Variants in MRPL22 observed in about 807,000 individuals in gnomAD.
MRPL22 encodes large ribosomal subunit protein uL22m.
MRPL22 carries 27 observed loss-of-function variants against 32.4 expected under a neutral mutation model. The ratio of observed to expected loss-of-function variants is 0.83; its 90% CI spans 0.61 to 1.15. The LOEUF (loss-of-function observed/expected upper bound fraction) is 1.15. Among genes scored for constraint, MRPL22 ranks in the 50% most tolerant of loss-of-function variants. MRPL22 has a pLI of 0.00. For missense variants in MRPL22, 239 were observed against 260.2 expected (o/e 0.92, Z 0.56); for synonymous variants, 86 against 87.3 (o/e 0.99, Z 0.08).
intron 2 of MRPL22, among the ~76,000 whole-genome samples, chr5:154,946,535 C>T (rs1764493342): frequency 6.6e-6 from 1 of 152,032 alleles, no homozygotes; most frequent in African/African-American, 2.4e-5. Context: ...AAAAGAAACA[C>T]GGGTGTGGTG....
chr5:154,949,874 T>C (rs950089381), intron 2 of MRPL22, among the ~76,000 whole-genome samples: 3 of 152,196 alleles, frequency 2.0e-5, no homozygotes, highest in African/African-American at 7.2e-5. Flanking sequence ...ACCTTTCCAA[T>C]ACTTAACAAA....
intron 5 of MRPL22, among the ~76,000 whole-genome samples, 157 bp from the exon 6 acceptor site, chr5:154,959,823 C>T (rs1764678468): frequency 6.6e-6 from 1 of 152,222 alleles, no homozygotes; most frequent in African/African-American, 2.4e-5. Flanking sequence ...AAGCTCCCTT[C>T]TCCTTTGTAC....
At chr5:154,957,914 CTTTTT>C (rs912216773) in intron 5 of MRPL22, among the ~76,000 whole-genome samples, 5 of 120,864 alleles carry the variant, frequency 4.1e-5, no homozygotes, top group African/African-American at 9.5e-5. Context: ...ATATATTTTT[CTTTTT>C]TTTTTTTTTT....
chr5:154,941,199 C>T lies in MRPL22; in HGVS notation c.29-18C>T. 2 of 1,614,048 alleles carry T rather than the reference C, an allele frequency of 1.2e-6. No homozygotes were observed. Among genetic ancestry groups the T allele is most frequent in the South Asian group, 1.1e-5 (1 of 91,076 alleles). The stretch of plus-strand genomic sequence containing the variant: ...GTCGAGATGGAATCTGAGTTGACGG[C>T]TTGTGTTGATGTTGCAGGTGCGTTA... On this transcript the variant is annotated intron_variant, in intron 1 of 6. Coordinates refer to ENST00000523037, the MANE Select transcript of MRPL22 (RefSeq NM_014180.4).
intron 6 of MRPL22, among the ~76,000 whole-genome samples, chr5:154,961,569 A>G (rs780141075): frequency 1.3e-5 from 2 of 152,250 alleles, no homozygotes; most frequent in Admixed American, 6.5e-5. Context: ...CAATAATTAT[A>G]GTAAAGAGAG....
chr5:154,954,877 C>T (rs987880930), intron 3 of MRPL22, among the ~76,000 whole-genome samples: 31 of 152,126 alleles, frequency 2.0e-4, no homozygotes, highest in African/African-American at 7.5e-4. Context: ...CTACAAGCTC[C>T]ACCTCCCGGG....
intron 6 of MRPL22, 32 bp from the exon 7 acceptor site, chr5:154,966,653 AT>A (rs756501877): frequency 6.2e-7 from 1 of 1,608,414 alleles, no homozygotes; most frequent in South Asian, 1.1e-5. Flanking sequence ...GATAACACTC[AT>A]TTCCTGTAAT....
intron 2 of MRPL22, among the ~76,000 whole-genome samples, chr5:154,941,554 C>G (rs1764415788): frequency 6.6e-6 from 1 of 152,204 alleles, no homozygotes; most frequent in Admixed American, 6.5e-5. Context: ...CATATGGAAG[C>G]GTCCAACTTT....
At chr5:154,963,013 A>G (rs2644748) in intron 6 of MRPL22, among the ~76,000 whole-genome samples, 5,847 of 152,302 alleles carry the variant, frequency 0.038, 169 homozygotes, top group African/African-American at 0.083. Context: ...ATCTCAGCTC[A>G]CTGCAACCTC....
chr5:154,944,864 G>T (rs1373577751), intron 2 of MRPL22, among the ~76,000 whole-genome samples: 2 of 152,196 alleles, frequency 1.3e-5, no homozygotes, highest in Non-Finnish European at 2.9e-5. Flanking sequence ...ATTCTGTGCA[G>T]ATAGAATAGT....
intron 4 of MRPL22, chr5:154,956,860 A>G: frequency 2.5e-6 from 1 of 397,160 alleles, no homozygotes; most frequent in South Asian, 4.1e-5. Context: ...TTGAATGCCT[A>G]GTGTGGTTGT....
chr5:154,966,883 G>A lies in MRPL22; in HGVS notation c.607G>A (p.Val203Ile), dbSNP rs762205758. The A allele has an allele frequency of 5.5e-5, 89 of 1,611,968 alleles. No individual in the cohort carries two copies. Among genetic ancestry groups the A allele is most frequent in the Middle Eastern group, 1.6e-4 (1 of 6,080 alleles). The change falls in exon 7 of 7, where the codon GTT becomes ATT. Residue 203 changes from valine (V) to isoleucine (I), a missense_variant. Coordinates refer to ENST00000523037, the MANE Select transcript of MRPL22 (RefSeq NM_014180.4). ...TCAGCAGCTTCGCAGCCGGACCATC[G>A]TTCACACTCTATGATGAGGAGATTC... ...YIQQLRSRTIVHTL is the reference protein window; with the variant it reads ...YIQQLRSRTIIHTL
chr5:154,944,342 C>T (rs1764460777), intron 2 of MRPL22, among the ~76,000 whole-genome samples: 1 of 152,182 alleles, frequency 6.6e-6, no homozygotes, highest in African/African-American at 2.4e-5. Context: ...GATCTTCCCA[C>T]CTCAGGCTCC....
rs367632872 is a variant in MRPL22, at chr5:154,968,825, AAGT to A, written c.*1931_*1933del. On this transcript the variant is annotated 3_prime_UTR_variant, in exon 7 of 7. Transcript: ENST00000523037. Reference sequence around the variant, plus strand: ...AGCTATTTTGAAAGTGGTAAGGAAAAAGTAGGATTGTAATGAAGAAAATTTCCT... The same window carrying A: ...AGCTATTTTGAAAGTGGTAAGGAAAAAGGATTGTAATGAAGAAAATTTCCT... 128 of 152,296 alleles carry A rather than the reference AAGT, an allele frequency of 8.4e-4. 1 individual carries two copies. Among genetic ancestry groups the A allele is most frequent in the African/African-American group, 3.0e-3 (124 of 41,560 alleles). 9.4% of individuals were successfully genotyped at this position (152,296 alleles called of 1,614,324 possible). A position where few individuals can be genotyped will look rare whatever the true frequency, so the allele number is the denominator to read the frequency against.
At chr5:154,954,493 G>A (rs143088531) in intron 3 of MRPL22, among the ~76,000 whole-genome samples, 8 of 152,258 alleles carry the variant, frequency 5.3e-5, no homozygotes, top group African/African-American at 1.9e-4. Context: ...TATATAACTA[G>A]GTCTTCTGAC....
chr5:154,943,062 A>T (rs1764440861), intron 2 of MRPL22, among the ~76,000 whole-genome samples: 1 of 152,242 alleles, frequency 6.6e-6, no homozygotes, highest in African/African-American at 2.4e-5. Context: ...AAGAAAACTA[A>T]GTAGAAAGGT....
chr5:154,946,017 T>G (rs534933686), intron 2 of MRPL22, among the ~76,000 whole-genome samples: 17 of 152,304 alleles, frequency 1.1e-4, no homozygotes, highest in Non-Finnish European at 2.1e-4. Flanking sequence ...ATTATTTGAG[T>G]CCTGAAAGTA....
At position 154,955,361 on chromosome 5, in the gene MRPL22, C is replaced by T. The variant is rs142641524; in HGVS notation, c.196-1010C>T. 36 of 152,240 alleles carry T rather than the reference C, an allele frequency of 2.4e-4. No homozygotes were observed. The Middle Eastern group carries it at 0.014, about 58-fold the overall frequency. 9.4% of individuals were successfully genotyped at this position (152,240 alleles called of 1,614,324 possible). A position where few individuals can be genotyped will look rare whatever the true frequency, so the allele number is the denominator to read the frequency against. On this transcript the variant is annotated intron_variant, in intron 3 of 6. Coordinates refer to ENST00000523037, the MANE Select transcript of MRPL22 (RefSeq NM_014180.4). ...GTCAGAATGTTAGAAAGTTTTGAGA[C>T]CTCCTTGCTATAGTTTTCCATAACA...
At chr5:154,961,796 C>T (rs1209161896) in intron 6 of MRPL22, among the ~76,000 whole-genome samples, 2 of 152,086 alleles carry the variant, frequency 1.3e-5, no homozygotes, top group African/African-American at 2.4e-5. Flanking sequence ...AAGTCATCTT[C>T]CTGCCCCAGC....
Sources: allele counts gnomAD v4.1 joint callset (sites outside exome capture counted in the v4.1 genomes callset), GRCh38; gene constraint gnomAD v4.1.1; transcripts MANE v1.5; gene names NCBI Gene and HGNC (gene_info 2026-07-23, HGNC 2026-07-21).